The following SIRPA variants were observed in gnomAD, a reference collection of about 807,000 sequenced individuals.
SIRPA encodes the protein signal regulatory protein alpha, also known as tyrosine-protein phosphatase non-receptor type substrate 1.
SIRPA carries 9 observed loss-of-function variants against 50.3 expected under a neutral mutation model. The ratio of observed to expected loss-of-function variants is 0.18; its 90% CI spans 0.11 to 0.31. The LOEUF is 0.31. Among genes scored for constraint, SIRPA ranks in the 10% least tolerant of loss-of-function variants. The pLI, the probability that SIRPA is intolerant of heterozygous loss-of-function variation, is 1.00. For synonymous variants in SIRPA, 265 were observed against 284.1 expected, an observed-to-expected ratio of 0.93 and a Z score of 0.68; for missense variants, 474 against 661.6, an observed-to-expected ratio of 0.72 and a Z score of 3.11.
In SIRPA at chr20:1,939,335, C is replaced by A. The variant is rs1278619785; in HGVS notation, c.*1767C>A. On this transcript the variant is annotated 3_prime_UTR_variant, in exon 8 of 8. Coordinates refer to ENST00000358771, the MANE Select transcript of SIRPA (RefSeq NM_001040023.2). This position sits in a 1 kb window ranked among gnomAD's most constrained non-coding sequence, Gnocchi z 4.7. ...AAACTGCAGGAGCTCAGCATAGACC[C>A]AGCTCTCTGGGGGATGGTCACCTGG... The A allele has an allele frequency of 6.6e-6, 1 of 152,162 alleles. No individual in the cohort carries two copies. Among genetic ancestry groups the A allele is most frequent in the Non-Finnish European group, 1.5e-5 (1 of 68,038 alleles). 9.4% of individuals were successfully genotyped at this position (152,162 alleles called of 1,614,324 possible).
At chr20:1,895,366 T>C (rs1983725823), upstream of SIRPA, 2 of 803,106 alleles carry the variant, frequency 2.5e-6, no homozygotes, top group South Asian at 2.6e-5. Flanking sequence ...GGGGGAGCCT[T>C]AGTCATTTCC....
At chr20:1,904,123 C>G (rs2024870) in intron 1 of SIRPA, among the ~76,000 whole-genome samples, 34,518 of 151,998 alleles carry the variant, frequency 0.23, 4,468 homozygotes, top group East Asian at 0.62. Context: ...CAGTCCCCCC[C>G]CTGCAGCCAG....
At position 1,937,749 on chromosome 20, in the gene SIRPA, C is replaced by T. The variant is rs1376018348; in HGVS notation, c.*181C>T. Reference sequence around the variant, plus strand: ...CCTTGGCTCTCCAGCACTTCCTGGGCAGCCACGGCCCCCTCCCCCCACATT... The same window carrying T: ...CCTTGGCTCTCCAGCACTTCCTGGGTAGCCACGGCCCCCTCCCCCCACATT... On this transcript the variant is annotated 3_prime_UTR_variant, in exon 8 of 8. Coordinates refer to ENST00000358771, the MANE Select transcript of SIRPA (RefSeq NM_001040023.2). The surrounding 1 kb of genome is among the most constrained non-coding windows in gnomAD (Gnocchi z 8.3). 2.6e-5 allele frequency: 19 copies of T among 731,238 alleles called. No homozygotes were observed. The highest frequency in any genetic ancestry group is 4.1e-5 in the Non-Finnish European group (19 of 460,476). 45.3% of individuals were successfully genotyped at this position (731,238 alleles called of 1,614,324 possible).
chr20:1,899,847 G>A (rs552287968), intron 1 of SIRPA, among the ~76,000 whole-genome samples: 1 of 152,316 alleles, frequency 6.6e-6, no homozygotes, highest in South Asian at 2.1e-4. Flanking sequence ...TCTATTGCAA[G>A]GATTAAGTTA....
chr20:1,906,511 G>A (rs1418239950), intron 1 of SIRPA, among the ~76,000 whole-genome samples: 2 of 152,186 alleles, frequency 1.3e-5, no homozygotes, highest in East Asian at 1.9e-4. Flanking sequence ...AGCCAGACAT[G>A]TAGATATTTA....
intron 2 of SIRPA, among the ~76,000 whole-genome samples, chr20:1,919,502 A>G (rs1438940380): frequency 3.3e-5 from 5 of 152,212 alleles, no homozygotes; most frequent in African/African-American, 7.2e-5. Flanking sequence ...CTCTTATGAT[A>G]CAGGCCTCGG....
At chr20:1,900,632 A>G (rs1473040134) in intron 1 of SIRPA, among the ~76,000 whole-genome samples, 1 of 152,178 alleles carries the variant, frequency 6.6e-6, no homozygotes, top group Non-Finnish European at 1.5e-5. Context: ...GAACAGAGAG[A>G]AAAAAACTGG....
chr20:1,920,527 C>T (rs1316962277), intron 2 of SIRPA, among the ~76,000 whole-genome samples: 1 of 152,126 alleles, frequency 6.6e-6, no homozygotes, highest in Admixed American at 6.5e-5. Flanking sequence ...CCTGCTTGGG[C>T]GCCCTGTGTC....
intron 1 of SIRPA, among the ~76,000 whole-genome samples, chr20:1,896,940 C>T (rs1457750279): frequency 6.6e-6 from 1 of 152,182 alleles, no homozygotes; most frequent in East Asian, 1.9e-4. Flanking sequence ...GAGTTCCTGC[C>T]CTGCCATCCT....
Position 1,915,445 on chromosome 20 carries a change from G to A in SIRPA, c.426G>A (p.Leu142=), listed in dbSNP as rs1479696576. The A allele has an allele frequency of 1.2e-6, 2 of 1,613,296 alleles. No homozygotes were observed. The highest frequency in any genetic ancestry group is 2.2e-5 in the South Asian group (2 of 91,066). The change falls in exon 2 of 8, where the codon CTG becomes CTA. Residue 142 remains leucine (L), a synonymous_variant. Coordinates refer to ENST00000358771, the MANE Select transcript of SIRPA (RefSeq NM_001040023.2). ...VEFKSGAGTE[L]SVRAKPSAPV... Reference sequence around the variant, plus strand: ...TTAAGTCTGGAGCAGGCACTGAGCTGTCTGTGCGCGGTGAGTACAGCGTGG... The same window carrying A: ...TTAAGTCTGGAGCAGGCACTGAGCTATCTGTGCGCGGTGAGTACAGCGTGG...
upstream of SIRPA, chr20:1,894,854 G>A (rs2122916151): frequency 6.8e-6 from 1 of 147,806 alleles, no homozygotes; most frequent in East Asian, 2.0e-4. This position sits in a 1 kb window ranked among gnomAD's most constrained non-coding sequence, Gnocchi z 4.0. Context: ...CGGGAGGAGG[G>A]GAAAGGGAAG....
In SIRPA at chr20:1,915,281, C is replaced by G; in HGVS notation, c.262C>G (p.Pro88Ala). The G allele has an allele frequency of 9.9e-6, 16 of 1,613,456 alleles. No individual in the cohort carries two copies. Among genetic ancestry groups the G allele is most frequent in the Non-Finnish European group, 1.4e-5 (16 of 1,179,810 alleles). Residue 88 changes from proline to alanine, a missense_variant, in exon 2 of 8, where the codon CCC becomes GCC. Pro to Ala is a conservative substitution (Grantham distance 27). Transcript: ENST00000358771. The stretch of plus-strand genomic sequence containing the variant: ...CTACAATCAAAAAGAAGGCCACTTC[C>G]CCCGGGTAACAACTGTTTCAGACCT... ...LIYNQKEGHF[P>A]RVTTVSDLTK...
At chr20:1,911,535 A>G (rs1984886447) in intron 1 of SIRPA, among the ~76,000 whole-genome samples, 1 of 152,190 alleles carries the variant, frequency 6.6e-6, no homozygotes, top group Non-Finnish European at 1.5e-5. Flanking sequence ...CATAGGGGAT[A>G]GGCCGTAATT....
chr20:1,937,190 A>T lies in SIRPA; in HGVS notation c.1267-130A>T. ...GTTGGCAAGAGATGAGGGGAACATG[A>T]CTTATGGCTGAGCCAGTGTGGGCCG... On this transcript the variant is annotated intron_variant, in intron 7 of 7. Transcript: ENST00000358771. This position sits in a 1 kb window ranked among gnomAD's most constrained non-coding sequence, Gnocchi z 8.3. The T allele has an allele frequency of 8.9e-7, 1 of 1,119,458 alleles. No individual in the cohort carries two copies. The highest frequency in any genetic ancestry group is 1.3e-6 in the Non-Finnish European group (1 of 782,196). The allele number at this position is 1,119,458 out of a possible 1,614,324, so 69.3% of individuals were successfully genotyped here.
rs1985831826 is a variant in SIRPA, at chr20:1,924,071, G to A, written c.1088-693G>A. Among the ~76,000 whole-genome samples, 1 of 152,124 alleles carries A rather than the reference G, an allele frequency of 6.6e-6. No homozygotes were observed. Among genetic ancestry groups the A allele is most frequent in the African/African-American group, 2.4e-5 (1 of 41,438 alleles). On this transcript the variant is annotated intron_variant, in intron 4 of 7. Transcript: ENST00000358771. The surrounding 1 kb of genome is among the most constrained non-coding windows in gnomAD (Gnocchi z 4.5). ...GAGGTAGAGATGACTGTTGGCCCCA[G>A]TAACAGAAGAAGCAGCCAGGGTTTG...
rs1336554096 is a variant in SIRPA, at chr20:1,927,257, G to C, written c.1202-618G>C. 6.6e-6 allele frequency among the ~76,000 whole-genome samples: 1 copy of C among 152,248 alleles called. No homozygotes were observed. Among genetic ancestry groups the C allele is most frequent in the African/African-American group, 2.4e-5 (1 of 41,468 alleles). On this transcript the variant is annotated intron_variant, in intron 5 of 7. Transcript: ENST00000358771. The surrounding 1 kb of genome is among the most constrained non-coding windows in gnomAD (Gnocchi z 6.5). ...AGTCAAACGGCTGCTGAACCCTGGA[G>C]GCTTCTCTGTGGGTTACCCCATATC...
At position 1,924,869 on chromosome 20, in the gene SIRPA, A is replaced by G; in HGVS notation, c.1193A>G (p.Gln398Arg). The G allele has an allele frequency of 6.2e-7, 1 of 1,613,826 alleles. No individual in the cohort carries two copies. The highest frequency in any genetic ancestry group is 1.1e-5 in the South Asian group (1 of 91,072). ...GCCCTCTACCTCGTCCGAATCAGAC[A>G]GAAGAAAGGTGGGTGCATTCCCCTC... Reference protein sequence around the residue: ...MAALYLVRIRQKKAQGSTSST... With the variant: ...MAALYLVRIRRKKAQGSTSST... Residue 398 changes from glutamine (Q) to arginine (R), a missense_variant, in exon 5 of 8, where the codon CAG (glutamine) becomes CGG (arginine). Around this residue, in one of 4 missense-constraint regions of SIRPA, gnomAD observed 180 missense variants for 206.7 expected, o/e 0.87. Coordinates refer to ENST00000358771, the MANE Select transcript of SIRPA (RefSeq NM_001040023.2). This position sits in a 1 kb window ranked among gnomAD's most constrained non-coding sequence, Gnocchi z 4.5.
rs761882921 is a variant in SIRPA at position 1,922,492 on chromosome 20, T to A, written c.934T>A (p.Trp312Arg). The A allele has an allele frequency of 3.1e-5, 50 of 1,614,180 alleles. No homozygotes were observed. The East Asian group carries it at 1.1e-3, about 35-fold the overall frequency. The change falls in exon 4 of 8, where the codon TGG becomes AGG. Residue 312 changes from tryptophan to arginine, a missense_variant. This residue lies in a region of SIRPA where 221 missense variants were observed against 359.9 expected (regional missense o/e 0.61). Transcript: ENST00000358771. ...VTENKDGTYNWMSWLLVNVSA... is the reference protein window; with the variant it reads ...VTENKDGTYNRMSWLLVNVSA... ...AGAGAACAAGGATGGTACCTACAAC[T>A]GGATGAGCTGGCTCCTGGTGAATGT...
In SIRPA at chr20:1,928,459, T is replaced by C. The variant is rs1315129140; in HGVS notation, c.1226+560T>C. Among the ~76,000 whole-genome samples the C allele has an allele frequency of 6.6e-6, 1 of 152,204 alleles. No homozygotes were observed. The highest frequency in any genetic ancestry group is 1.5e-5 in the Non-Finnish European group (1 of 68,030). The stretch of plus-strand genomic sequence containing the variant: ...TTTTTAGTGACTTGAGTCCCTACTA[T>C]GTGCCAGCCCTGCTCAGGACCAGCT... On this transcript the variant is annotated intron_variant, in intron 6 of 7. Coordinates refer to ENST00000358771, the MANE Select transcript of SIRPA (RefSeq NM_001040023.2). The surrounding 1 kb of genome is among the most constrained non-coding windows in gnomAD (Gnocchi z 4.9).
Sources: allele counts gnomAD v4.1 joint callset (sites outside exome capture counted in the v4.1 genomes callset), GRCh38; gene constraint gnomAD v4.1.1; regional missense constraint gnomAD v4.1.1; non-coding constraint Gnocchi (gnomAD v3.1); transcripts MANE v1.5; gene names NCBI Gene and HGNC (gene_info 2026-07-23, HGNC 2026-07-21).